The following ZNF236 variants were observed in gnomAD, a reference collection of about 807,000 sequenced individuals.
ZNF236 encodes the protein regulated by glucose.
Under a neutral mutation model 191.2 loss-of-function variants are expected in ZNF236, and 50 were observed. That is an observed-to-expected ratio of 0.26 (90% CI 0.21 to 0.33). ZNF236 has a LOEUF of 0.33. Among genes scored for constraint, ZNF236 ranks in the 10% least tolerant of loss-of-function variants. ZNF236 has a pLI of 1.00. For synonymous variants in ZNF236, 907 were observed against 928.8 expected (o/e 0.98, Z 0.43); for missense variants, 1,754 against 2,374.5 (o/e 0.74, Z 5.43).
At position 76,904,308 on chromosome 18, in the gene ZNF236, T is replaced by C. The variant is rs878941574; in HGVS notation, c.1895-72T>C. On this transcript the variant is annotated intron_variant, in intron 11 of 30. Transcript: ENST00000320610. ...GAATTTTCATCTTCTGGGTAAAACA[T>C]GTGCCTTGTGACATTTAATTGTATT... 3.4e-5 allele frequency: 49 copies of C among 1,425,808 alleles called. No individual in the cohort carries two copies. In the South Asian group the frequency reaches 5.7e-4, roughly 17 times the overall value. The allele number at this position is 1,425,808 out of a possible 1,614,324, so 88.3% of individuals were successfully genotyped here. A position where few individuals can be genotyped will look rare whatever the true frequency, so the allele number is the denominator to read the frequency against.
Position 76,927,991 on chromosome 18 carries a change from C to G in ZNF236, c.4479C>G (p.His1493Gln), listed in dbSNP as rs763367075. 5 of 1,613,712 alleles carry G rather than the reference C, an allele frequency of 3.1e-6. No homozygotes were observed. Reference protein sequence around the residue: ...QGLVSPSGGPHEITLTINNSS... With the variant: ...QGLVSPSGGPQEITLTINNSS... ...TAGTGTCCCCCTCCGGCGGTCCCCACGAGATCACCCTGACCATTAACAACT... is the reference window on the plus strand; with the variant it reads ...TAGTGTCCCCCTCCGGCGGTCCCCAGGAGATCACCCTGACCATTAACAACT... The change falls in exon 25 of 31, where the codon CAC (histidine) becomes CAG (glutamine). Residue 1493 changes from histidine (H) to glutamine (Q), a missense_variant. Physicochemically the swap from His to Gln is conservative, Grantham distance 24. Transcript: ENST00000320610. The surrounding 1 kb of genome is among the most constrained non-coding windows in gnomAD (Gnocchi z 5.4).
intron 26 of ZNF236, among the ~76,000 whole-genome samples, chr18:76,941,674 A>G (rs1325108207): frequency 6.6e-6 from 1 of 152,224 alleles, no homozygotes; most frequent in African/African-American, 2.4e-5. Flanking sequence ...GCCTGTGTCT[A>G]TCCAGATACA....
chr18:76,941,202 G>A (rs937957610), intron 26 of ZNF236, among the ~76,000 whole-genome samples: 1 of 152,200 alleles, frequency 6.6e-6, no homozygotes, highest in Non-Finnish European at 1.5e-5. Flanking sequence ...AGGTTCTTGA[G>A]GAAGGGCTGT....
At chr18:76,861,438 T>C (rs1391388046) in intron 3 of ZNF236, among the ~76,000 whole-genome samples, 1 of 152,172 alleles carries the variant, frequency 6.6e-6, no homozygotes, top group Non-Finnish European at 1.5e-5. Flanking sequence ...ATCAGGCCAG[T>C]GATCTAGTGG....
At chr18:76,874,239 C>G (rs960955131) in intron 5 of ZNF236, among the ~76,000 whole-genome samples, 2 of 152,182 alleles carry the variant, frequency 1.3e-5, no homozygotes, top group Non-Finnish European at 2.9e-5. Context: ...TGTACTGTCC[C>G]CAAGCTTGTT....
chr18:76,897,188 C>T (rs1256599893), intron 10 of ZNF236, among the ~76,000 whole-genome samples: 1 of 150,622 alleles, frequency 6.6e-6, no homozygotes, highest in Non-Finnish European at 1.5e-5. Context: ...GTACTGCCCA[C>T]TGGTACCGCA....
rs948549576 is a variant in ZNF236, at chr18:76,970,990, G to A, written c.*2651G>A. ...GAACTGTTCCTGTTCCCTTTCATTT[G>A]CTGCTTTATTCAACGGCACCCAGTC... On this transcript the variant is annotated 3_prime_UTR_variant, in exon 31 of 31. Transcript: ENST00000320610. 6.6e-6 allele frequency among the ~76,000 whole-genome samples: 1 copy of A among 152,224 alleles called. No individual in the cohort carries two copies. The highest frequency in any genetic ancestry group is 1.5e-5 in the Non-Finnish European group (1 of 68,034).
chr18:76,854,806 A>G (rs1975996871), intron 3 of ZNF236, among the ~76,000 whole-genome samples: 1 of 152,212 alleles, frequency 6.6e-6, no homozygotes, highest in Non-Finnish European at 1.5e-5. Context: ...TTCTTTATAG[A>G]ATGCCATATG....
intron 25 of ZNF236, among the ~76,000 whole-genome samples, chr18:76,931,738 TAA>T (rs1491463103): frequency 6.6e-6 from 1 of 152,242 alleles, no homozygotes; most frequent in East Asian, 1.9e-4. Context: ...TGCACCAACG[TAA>T]TAAATGAGCT....
chr18:76,860,496 C>A (rs1976183443), intron 3 of ZNF236, among the ~76,000 whole-genome samples: 1 of 152,234 alleles, frequency 6.6e-6, no homozygotes, highest in Non-Finnish European at 1.5e-5. Flanking sequence ...GTCCTGTTTT[C>A]TCTTCCACAG....
chr18:76,839,059 T>C lies in ZNF236; in HGVS notation c.56-10467T>C, dbSNP rs116818618. 6.5e-3 allele frequency among the ~76,000 whole-genome samples: 984 copies of C among 152,358 alleles called. 11 individuals are homozygous for C. Among genetic ancestry groups the C allele is most frequent in the African/African-American group, 0.023 (936 of 41,576 alleles). ...TCCGTGTTTTTATGTAGAGCAGAAGTTTGCTCATTCTCACTGTTTGATAGT... is the reference window on the plus strand; with the variant it reads ...TCCGTGTTTTTATGTAGAGCAGAAGCTTGCTCATTCTCACTGTTTGATAGT... On this transcript the variant is annotated intron_variant, in intron 1 of 30. Transcript: ENST00000320610.
chr18:76,964,973 T>C (rs1015185552), intron 30 of ZNF236, among the ~76,000 whole-genome samples: 11 of 152,222 alleles, frequency 7.2e-5, no homozygotes, highest in Non-Finnish European at 1.5e-4. Flanking sequence ...CCCCCAGATA[T>C]GTTTTCCAAA....
chr18:76,848,627 C>T (rs1266395557), intron 1 of ZNF236, among the ~76,000 whole-genome samples: 1 of 152,144 alleles, frequency 6.6e-6, no homozygotes, highest in African/African-American at 2.4e-5. Context: ...GCAGTCTTGT[C>T]TTCCTGAACC....
chr18:76,953,382 A>G (rs1209277473), intron 27 of ZNF236, among the ~76,000 whole-genome samples: 1 of 152,204 alleles, frequency 6.6e-6, no homozygotes, highest in East Asian at 1.9e-4. Flanking sequence ...CCAGGTGCCT[A>G]AGGCCAGGCT....
chr18:76,845,813 C>T (rs1002202896), intron 1 of ZNF236, among the ~76,000 whole-genome samples: 6 of 151,800 alleles, frequency 4.0e-5, no homozygotes, highest in African/African-American at 1.5e-4. Flanking sequence ...CGCACCATTG[C>T]ACTACAGCCT....
At chr18:76,830,933 C>A (rs1465649765) in intron 1 of ZNF236, among the ~76,000 whole-genome samples, 5 of 152,148 alleles carry the variant, frequency 3.3e-5, no homozygotes, top group Non-Finnish European at 7.3e-5. Context: ...TTAATACTTT[C>A]TTTTCTAGAG....
intron 9 of ZNF236, among the ~76,000 whole-genome samples, chr18:76,881,875 T>C (rs1976912883): frequency 6.6e-6 from 1 of 152,208 alleles, no homozygotes; most frequent in South Asian, 2.1e-4. Flanking sequence ...TCAGTTCTTC[T>C]CACCCTTGGT....
intron 6 of ZNF236, among the ~76,000 whole-genome samples, chr18:76,877,463 C>A (rs990149742): frequency 4.6e-5 from 7 of 151,430 alleles, no homozygotes; most frequent in African/African-American, 1.7e-4. Flanking sequence ...GCCGAGATCA[C>A]GCTGTTGCAC....
Position 76,968,934 on chromosome 18 carries a change from A to G in ZNF236, c.*595A>G, listed in dbSNP as rs1168381828. The G allele has an allele frequency of 5.7e-6, 2 of 351,914 alleles. No homozygotes were observed. The highest frequency in any genetic ancestry group is 2.1e-5 in the African/African-American group (1 of 48,316). The allele number at this position is 351,914 out of a possible 1,614,324, so 21.8% of individuals were successfully genotyped here. On this transcript the variant is annotated 3_prime_UTR_variant, in exon 31 of 31. Transcript: ENST00000320610. ...TGGCTGGACCAATTCTCTCCATGACAAATGTTTAATCATTAGTTACAAGAA... is the reference window on the plus strand; with the variant it reads ...TGGCTGGACCAATTCTCTCCATGACGAATGTTTAATCATTAGTTACAAGAA...
Sources: gnomAD v4.1 joint callset for allele counts (sites outside exome capture counted in the v4.1 genomes callset) on GRCh38, gnomAD v4.1.1 for gene constraint, Gnocchi (gnomAD v3.1) non-coding constraint, MANE v1.5 for transcripts, NCBI Gene and HGNC (gene_info 2026-07-23, HGNC 2026-07-21) for gene names.